The following PCDHGB2 variants were observed in gnomAD, a reference collection of about 807,000 sequenced individuals.
PCDHGB2 encodes protocadherin gamma subfamily B, 2.
In PCDHGB2, 55 loss-of-function variants were observed where a neutral mutation model predicts 59.3. The observed-to-expected ratio is 0.93, with a 90% CI of 0.75 to 1.16. The LOEUF (loss-of-function observed/expected upper bound fraction) is 1.16. Ranked by LOEUF, PCDHGB2 falls within the 50% of genes most tolerant of loss-of-function variation. The pLI is 0.00. For synonymous variants in PCDHGB2, 516 were observed against 512.0 expected (o/e 1.01, Z -0.11); for missense variants, 1,228 against 1,198.5 (o/e 1.02, Z -0.36).
intron 1 of PCDHGB2, among the ~76,000 whole-genome samples, chr5:141,405,709 C>T (rs2094708572): frequency 2.0e-5 from 3 of 152,150 alleles, no homozygotes; most frequent in African/African-American, 7.2e-5. Context: ...AATTCCTAAC[C>T]TCAAGTGATC....
At chr5:141,488,866 G>A (rs957501628) in intron 1 of PCDHGB2, among the ~76,000 whole-genome samples, 1 of 152,148 alleles carries the variant, frequency 6.6e-6, no homozygotes, top group African/African-American at 2.4e-5. Flanking sequence ...GAAGTGAGTG[G>A]GGAGGTAGGA....
intron 1 of PCDHGB2, chr5:141,441,746 C>A: frequency 5.4e-6 from 2 of 371,314 alleles, no homozygotes; most frequent in East Asian, 9.8e-5. Flanking sequence ...TCGCGCTCGG[C>A]GTCAACGTGA....
At position 141,431,118 on chromosome 5, in the gene PCDHGB2, A is replaced by C; in HGVS notation, c.2422-63689A>C. On this transcript the variant is annotated intron_variant, in intron 1 of 3. Coordinates refer to ENST00000522605, the MANE Select transcript of PCDHGB2 (RefSeq NM_018923.3). The surrounding 1 kb of genome is among the most constrained non-coding windows in gnomAD (Gnocchi z 4.8). ...GATAAAGTGAAAATATATGGAGTAG[A>C]AGTAGAAGTAAGGGACATTAACGAC... 6.2e-7 allele frequency: 1 copy of C among 1,614,182 alleles called. No individual in the cohort carries two copies. Among genetic ancestry groups the C allele is most frequent in the Non-Finnish European group, 8.5e-7 (1 of 1,179,974 alleles).
chr5:141,410,885 G>A (rs970749503), intron 1 of PCDHGB2: 7 of 287,302 alleles, frequency 2.4e-5, no homozygotes, highest in African/African-American at 1.6e-4. Context: ...ATGGAGTCTC[G>A]CACTGTTGCC....
chr5:141,383,620 G>C, intron 1 of PCDHGB2: 1 of 1,613,872 alleles, frequency 6.2e-7, no homozygotes, highest in Middle Eastern at 1.6e-4. Flanking sequence ...CCACACGCCT[G>C]TCTTCTCTCT....
At chr5:141,415,655 T>C (rs780357843) in intron 1 of PCDHGB2, 50 of 1,586,718 alleles carry the variant, frequency 3.2e-5, no homozygotes, top group Non-Finnish European at 4.0e-5. Flanking sequence ...AAAAAAAAGA[T>C]TGGTTTTTAC....
chr5:141,428,395 G>A, intron 1 of PCDHGB2: 1 of 488,280 alleles, frequency 2.0e-6, no homozygotes, highest in Non-Finnish European at 3.8e-6. Flanking sequence ...CAGCCCCTCT[G>A]CCTGGGGTTG....
chr5:141,375,664 C>A (rs766359955), intron 1 of PCDHGB2: 2 of 1,614,256 alleles, frequency 1.2e-6, no homozygotes, highest in East Asian at 4.5e-5. Context: ...AGTTGAGAGA[C>A]CTACAGCTGT....
chr5:141,371,500 T>C, intron 1 of PCDHGB2: 5 of 1,613,872 alleles, frequency 3.1e-6, no homozygotes, highest in South Asian at 1.1e-5. Context: ...GTTGCCCTGA[T>C]CAAAACACAT....
intron 1 of PCDHGB2, chr5:141,418,211 C>T (rs752988020): frequency 1.2e-6 from 2 of 1,613,916 alleles, no homozygotes; most frequent in East Asian, 4.5e-5. Context: ...AAATATTTTT[C>T]ATGTCATTGT....
chr5:141,469,103 C>A (rs949254605), intron 1 of PCDHGB2, among the ~76,000 whole-genome samples: 2 of 151,844 alleles, frequency 1.3e-5, no homozygotes, highest in African/African-American at 2.4e-5. Context: ...AAAGCAAGAA[C>A]CTGTCTCTAA....
chr5:141,476,562 C>A lies in PCDHGB2; in HGVS notation c.2422-18245C>A. On this transcript the variant is annotated intron_variant, in intron 1 of 3. Transcript: ENST00000522605. This position sits in a 1 kb window ranked among gnomAD's most constrained non-coding sequence, Gnocchi z 7.6. ...AAATTGGAGATTAGCGAGGCCGTGG[C>A]TCCGGGGACGCGCTTTCCGCTCGAG... 1 of 1,614,218 alleles carries A rather than the reference C, an allele frequency of 6.2e-7. No homozygotes were observed. The highest frequency in any genetic ancestry group is 8.5e-7 in the Non-Finnish European group (1 of 1,180,034).
intron 1 of PCDHGB2, among the ~76,000 whole-genome samples, chr5:141,381,960 G>A (rs1283229818): frequency 6.6e-6 from 1 of 150,482 alleles, no homozygotes; most frequent in East Asian, 2.0e-4. Flanking sequence ...CTCCTGAGTA[G>A]CTGGGATTAC....
chr5:141,423,750 T>TGGG lies in PCDHGB2; in HGVS notation c.2421+61202_2421+61204dup, dbSNP rs144521096. 4.7e-3 allele frequency: 1,348 copies of TGGG among 288,070 alleles called. 1 individual carries two copies. The highest frequency in any genetic ancestry group is 5.4e-3 in the Non-Finnish European group (1,192 of 221,408). 17.8% of individuals were successfully genotyped at this position (288,070 alleles called of 1,614,324 possible). A position where few individuals can be genotyped will look rare whatever the true frequency, so the allele number is the denominator to read the frequency against. ...TTTTGAGCCTGTTATGAAAACTGTT[T>TGGG]GGGGGGGGGGTGGGGCGGCATATAT... is the stretch of plus-strand genomic sequence containing the variant. On this transcript the variant is annotated intron_variant, in intron 1 of 3. Coordinates refer to ENST00000522605, the MANE Select transcript of PCDHGB2 (RefSeq NM_018923.3).
At chr5:141,395,177 T>C in intron 1 of PCDHGB2, 2 of 1,614,120 alleles carry the variant, frequency 1.2e-6, no homozygotes, top group South Asian at 2.2e-5. Flanking sequence ...GTGAGAAAAA[T>C]GATTCTTTGT....
At chr5:141,506,278 G>A (rs1001662623) in intron 3 of PCDHGB2, among the ~76,000 whole-genome samples, 1 of 152,090 alleles carries the variant, frequency 6.6e-6, no homozygotes. Flanking sequence ...GTGAAACCCT[G>A]TCTCTACTAA....
At chr5:141,454,811 T>TTTTTA (rs1284435092) in intron 1 of PCDHGB2, among the ~76,000 whole-genome samples, 4 of 125,862 alleles carry the variant, frequency 3.2e-5, no homozygotes, top group African/African-American at 1.3e-4. Context: ...TTTTTTTTTT[T>TTTTTA]TTTTTTTTTT....
At chr5:141,403,214 G>A in intron 1 of PCDHGB2, 5 of 1,613,990 alleles carry the variant, frequency 3.1e-6, no homozygotes, top group Non-Finnish European at 4.2e-6. Context: ...GGTCACCGCG[G>A]GTAGGATAGA....
chr5:141,375,510 C>T, intron 1 of PCDHGB2: 1 of 1,614,034 alleles, frequency 6.2e-7, no homozygotes, highest in Non-Finnish European at 8.5e-7. Context: ...TCTGTGAATG[C>T]ACTGGACCCT....
Sources: allele counts gnomAD v4.1 joint callset (sites outside exome capture counted in the v4.1 genomes callset), GRCh38; gene constraint gnomAD v4.1.1; non-coding constraint Gnocchi (gnomAD v3.1); transcripts MANE v1.5; gene names NCBI Gene and HGNC (gene_info 2026-07-23, HGNC 2026-07-21).